Variants in BCL11B observed in about 807,000 individuals in gnomAD.
BCL11B encodes the protein B-cell lymphoma/leukemia 11B.
In BCL11B, 8 loss-of-function variants were observed where a neutral mutation model predicts 49.9. The observed-to-expected ratio is 0.16, with a 90% CI of 0.09 to 0.29. BCL11B has a LOEUF of 0.29. Ranked by LOEUF, BCL11B falls within the 10% of genes least tolerant of loss-of-function variation. The pLI is 1.00. For missense variants in BCL11B, 1,006 were observed against 1,351.0 expected (o/e 0.74, Z 4.00); for synonymous variants, 739 against 637.4 (o/e 1.16, Z -2.40).
At chr14:99,210,791 C>T (rs17551753) in intron 3 of BCL11B, among the ~76,000 whole-genome samples, 19,478 of 152,174 alleles carry the variant, frequency 0.13, 1,595 homozygotes, top group Non-Finnish European at 0.18. Flanking sequence ...TTGACACTGA[C>T]GTGCGGAGGA....
At chr14:99,258,528 C>T (rs1411390879) in intron 1 of BCL11B, among the ~76,000 whole-genome samples, 1 of 152,186 alleles carries the variant, frequency 6.6e-6, no homozygotes, top group Non-Finnish European at 1.5e-5. Flanking sequence ...TCTAAGGGCC[C>T]GTCCTTAGGA....
chr14:99,240,261 C>A (rs1484883713), intron 2 of BCL11B, among the ~76,000 whole-genome samples: 1 of 152,112 alleles, frequency 6.6e-6, no homozygotes, highest in African/African-American at 2.4e-5. Flanking sequence ...TTTAAATGCA[C>A]ATTTTGTTTT....
Position 99,171,351 on chromosome 14 carries a change from T to A in BCL11B, c.*2800A>T, listed in dbSNP as rs1377462639. On this transcript the variant is annotated 3_prime_UTR_variant, in exon 4 of 4. Transcript: ENST00000357195. Reference sequence around the variant, plus strand: ...TACAATAGGACTTAACATACAAATGTGTTTTTTTTGCAATATTTTATCCTG... The same window carrying A: ...TACAATAGGACTTAACATACAAATGAGTTTTTTTTGCAATATTTTATCCTG... The A allele has an allele frequency of 4.5e-6, 1 of 222,948 alleles. No individual in the cohort carries two copies. Among genetic ancestry groups the A allele is most frequent in the Non-Finnish European group, 9.0e-6 (1 of 111,500 alleles). 13.8% of individuals were successfully genotyped at this position (222,948 alleles called of 1,614,324 possible).
At chr14:99,249,584 G>A (rs1228774665) in intron 2 of BCL11B, among the ~76,000 whole-genome samples, 2 of 152,210 alleles carry the variant, frequency 1.3e-5, no homozygotes, top group African/African-American at 2.4e-5. Flanking sequence ...GCAGAGAGGT[G>A]GATGGAATGT....
At chr14:99,179,170 T>C (rs567165828) in intron 3 of BCL11B, among the ~76,000 whole-genome samples, 5 of 152,258 alleles carry the variant, frequency 3.3e-5, no homozygotes, top group African/African-American at 1.2e-4. Flanking sequence ...CCACTTCTTG[T>C]TTGTTTGTTT....
chr14:99,208,990 C>G (rs1223287587), intron 3 of BCL11B, among the ~76,000 whole-genome samples: 3 of 152,170 alleles, frequency 2.0e-5, no homozygotes, highest in African/African-American at 7.2e-5. Context: ...AGGACACCTC[C>G]CGGGAAGCAG....
intron 3 of BCL11B, among the ~76,000 whole-genome samples, chr14:99,203,891 G>A (rs115944431): frequency 0.014 from 2,135 of 149,380 alleles, 60 homozygotes; most frequent in African/African-American, 0.051. Context: ...CAATCTTATC[G>A]CAACGCCCCA....
In BCL11B at chr14:99,257,589, G is replaced by A. The variant is rs1165361905; in HGVS notation, c.309C>T (p.Arg103=). The A allele has an allele frequency of 6.2e-7, 1 of 1,614,134 alleles. No homozygotes were observed. The highest frequency in any genetic ancestry group is 1.7e-5 in the Admixed American group (1 of 60,022). ...LDKDSPPPSS[R]SELRKVSEPV... is the part of the protein sequence containing the mutation. ...GCTCGGACACTTTCCTGAGCTCGGA[G>A]CGTGAGGAGGGTGGCGGGCTGTCCT... The change falls in exon 2 of 4, where the codon CGC becomes CGT. Residue 103 remains arginine (R), a synonymous_variant. Transcript: ENST00000357195. The surrounding 1 kb of genome is among the most constrained non-coding windows in gnomAD (Gnocchi z 6.2).
chr14:99,260,873 T>A (rs1256492511), intron 1 of BCL11B, among the ~76,000 whole-genome samples: 2 of 151,178 alleles, frequency 1.3e-5, no homozygotes, highest in African/African-American at 4.9e-5. Context: ...AGCCCCGGGA[T>A]TATCCAGGCC....
chr14:99,182,897 G>A (rs1369633787), intron 3 of BCL11B, among the ~76,000 whole-genome samples: 7 of 152,174 alleles, frequency 4.6e-5, no homozygotes. Context: ...AGTAAATGTG[G>A]GATCAAAATA....
chr14:99,269,106 G>A (rs1239238390), intron 1 of BCL11B, among the ~76,000 whole-genome samples: 1 of 152,002 alleles, frequency 6.6e-6, no homozygotes, highest in Non-Finnish European at 1.5e-5. Flanking sequence ...CTCCTGGCTC[G>A]CCGCTGCTGC....
chr14:99,224,673 G>A (rs1888109522), intron 3 of BCL11B, among the ~76,000 whole-genome samples: 1 of 152,190 alleles, frequency 6.6e-6, no homozygotes, highest in Admixed American at 6.5e-5. Flanking sequence ...ACGCCCAGAT[G>A]GTAGCTGTTC....
chr14:99,175,578 G>GGGGCGGCGTGCCGCCAGGGGGCAT lies in BCL11B; in HGVS notation c.1234_1257dup (p.Met412_Pro419dup), dbSNP rs1886481825. On this transcript the variant is annotated inframe_insertion, in exon 4 of 4. Coordinates refer to ENST00000357195, the MANE Select transcript of BCL11B (RefSeq NM_138576.4). ...GACTTGCTCTTGGCTGGCGGCTGCG[G>GGGGCGGCGTGCCGCCAGGGGGCAT]GGGCGGCGTGCCGCCAGGGGGCATG... 1.3e-6 allele frequency: 2 copies of GGGGCGGCGTGCCGCCAGGGGGCAT among 1,585,252 alleles called. No homozygotes were observed. Among genetic ancestry groups the GGGGCGGCGTGCCGCCAGGGGGCAT allele is most frequent in the Non-Finnish European group, 1.7e-6 (2 of 1,167,562 alleles).
intron 3 of BCL11B, among the ~76,000 whole-genome samples, chr14:99,229,784 C>G (rs1458975709): frequency 6.6e-6 from 1 of 152,118 alleles, no homozygotes; most frequent in Non-Finnish European, 1.5e-5. Flanking sequence ...ATGGCCCCCC[C>G]AGTGGTTGCC....
intron 3 of BCL11B, among the ~76,000 whole-genome samples, chr14:99,220,515 T>A (rs1229793061): frequency 6.6e-6 from 1 of 152,188 alleles, no homozygotes; most frequent in Non-Finnish European, 1.5e-5. Flanking sequence ...TGATTCCACT[T>A]ACCTAAGGAA....
chr14:99,227,310 C>T (rs1888187420), intron 3 of BCL11B, among the ~76,000 whole-genome samples: 1 of 152,182 alleles, frequency 6.6e-6, no homozygotes, highest in Admixed American at 6.5e-5. Flanking sequence ...GTTCTCAGCA[C>T]CTGGCCCGTA....
At chr14:99,215,990 G>A (rs1000448957) in intron 3 of BCL11B, among the ~76,000 whole-genome samples, 7 of 152,204 alleles carry the variant, frequency 4.6e-5, no homozygotes, top group Non-Finnish European at 8.8e-5. Context: ...GTGGATCCCG[G>A]AAAGCCTCCG....
At chr14:99,217,385 G>GACAC (rs112404818) in intron 3 of BCL11B, among the ~76,000 whole-genome samples, 2,781 of 131,098 alleles carry the variant, frequency 0.021, 91 homozygotes, top group African/African-American at 0.069. Context: ...CACACATACA[G>GACAC]ACACACACAC....
chr14:99,256,437 A>C (rs1889166377), intron 2 of BCL11B, among the ~76,000 whole-genome samples: 1 of 152,186 alleles, frequency 6.6e-6, no homozygotes, highest in African/African-American at 2.4e-5. Flanking sequence ...GAAGTGGCTA[A>C]TCCAAAGTCA....
Sources: gnomAD v4.1 joint callset for allele counts (sites outside exome capture counted in the v4.1 genomes callset) on GRCh38, gnomAD v4.1.1 for gene constraint, Gnocchi (gnomAD v3.1) non-coding constraint, MANE v1.5 for transcripts, NCBI Gene and HGNC (gene_info 2026-07-23, HGNC 2026-07-21) for gene names.